Variants in TBC1D5 observed in about 807,000 individuals in gnomAD.
The protein encoded by TBC1D5 is TBC1 domain family member 5.
Under a neutral mutation model 100.3 loss-of-function variants are expected in TBC1D5, and 75 were observed. The observed-to-expected ratio is 0.75, with a 90% CI of 0.62 to 0.91. TBC1D5 has a LOEUF of 0.91. TBC1D5 is among the 40% of genes least tolerant of loss of function. The probability of loss-of-function intolerance (pLI) is 0.00; values close to 1 mark genes in which losing one functional copy is unlikely to be tolerated. For synonymous variants in TBC1D5, 323 were observed against 325.6 expected, an observed-to-expected ratio of 0.99 and a Z score of 0.09; for missense variants, 910 against 942.4, an observed-to-expected ratio of 0.97 and a Z score of 0.45.
At chr3:17,694,857 G>C (rs570308213) in intron 1 of TBC1D5, among the ~76,000 whole-genome samples, 1 of 152,294 alleles carries the variant, frequency 6.6e-6, no homozygotes, top group East Asian at 1.9e-4. Flanking sequence ...GAAAGGTCGA[G>C]TTACCCACAA....
At chr3:17,642,809 G>C (rs1000999637) in intron 1 of TBC1D5, among the ~76,000 whole-genome samples, 1 of 152,036 alleles carries the variant, frequency 6.6e-6, no homozygotes, top group Admixed American at 6.6e-5. Context: ...AAGTAAGAAC[G>C]TACTACATCA....
At chr3:17,576,594 T>G (rs2153521538) in intron 2 of TBC1D5, 1 of 152,154 alleles carries the variant, frequency 6.6e-6, no homozygotes, top group Admixed American at 6.6e-5. Context: ...AAAATCCAGG[T>G]AGTTTTTCAA....
chr3:17,313,782 T>A (rs1575276163), intron 13 of TBC1D5, among the ~76,000 whole-genome samples: 1 of 152,208 alleles, frequency 6.6e-6, no homozygotes, highest in Non-Finnish European at 1.5e-5. Context: ...CCATAAGCAG[T>A]CAATCTCACC....
intron 13 of TBC1D5, among the ~76,000 whole-genome samples, chr3:17,348,771 T>G (rs1044220019): frequency 2.0e-5 from 3 of 152,182 alleles, no homozygotes; most frequent in African/African-American, 7.2e-5. Context: ...AAGATTCACC[T>G]GGATGGCACC....
chr3:17,504,741 G>T (rs190059697), intron 3 of TBC1D5, among the ~76,000 whole-genome samples: 1 of 152,138 alleles, frequency 6.6e-6, no homozygotes, highest in Non-Finnish European at 1.5e-5. Flanking sequence ...AGGGTTTATA[G>T]TACTTCAGAC....
chr3:17,453,536 T>A (rs922336030), intron 3 of TBC1D5, among the ~76,000 whole-genome samples: 13 of 152,124 alleles, frequency 8.5e-5, no homozygotes, highest in Middle Eastern at 3.4e-3. Context: ...TATAAGACAA[T>A]AAATTGGACA....
At chr3:17,451,420 AG>A (rs1216798028) in intron 3 of TBC1D5, among the ~76,000 whole-genome samples, 1 of 152,238 alleles carries the variant, frequency 6.6e-6, no homozygotes, top group Non-Finnish European at 1.5e-5. Context: ...ACTGGTCATT[AG>A]AAAAATGCAA....
chr3:17,353,981 C>CA (rs1424225239), intron 13 of TBC1D5, among the ~76,000 whole-genome samples: 2 of 152,038 alleles, frequency 1.3e-5, no homozygotes, highest in Non-Finnish European at 2.9e-5. Flanking sequence ...CGTTTTCTAT[C>CA]AGACAGTACA....
chr3:17,349,681 A>T (rs1294401228), intron 13 of TBC1D5, among the ~76,000 whole-genome samples: 3 of 152,174 alleles, frequency 2.0e-5, no homozygotes, highest in Non-Finnish European at 4.4e-5. Flanking sequence ...GAGGTTCCCA[A>T]ATGAAAATTA....
intron 3 of TBC1D5, among the ~76,000 whole-genome samples, chr3:17,432,593 T>A (rs1298613730): frequency 6.6e-6 from 1 of 152,216 alleles, no homozygotes; most frequent in East Asian, 1.9e-4. Context: ...ATTTTCTTTA[T>A]TATTGTTAAT....
At chr3:17,160,968 T>C in exon 22 of TBC1D5, 1 of 1,613,074 alleles carries the variant, frequency 6.2e-7, no homozygotes, top group South Asian at 1.1e-5. Flanking sequence ...TGTGGTCAGA[T>C]GTCCAGGGGA....
At chr3:17,316,810 G>T (rs1193057597) in intron 13 of TBC1D5, among the ~76,000 whole-genome samples, 1 of 152,138 alleles carries the variant, frequency 6.6e-6, no homozygotes, top group Non-Finnish European at 1.5e-5. Flanking sequence ...GAGGTTGGGG[G>T]AGATGAACTT....
chr3:17,560,174 A>G (rs2096549415), intron 2 of TBC1D5, among the ~76,000 whole-genome samples: 1 of 152,346 alleles, frequency 6.6e-6, no homozygotes, highest in East Asian at 1.9e-4. Flanking sequence ...AAAATATAGA[A>G]CAAAATGTTT....
chr3:17,404,232 C>T (rs1455483140), intron 7 of TBC1D5, among the ~76,000 whole-genome samples: 1 of 151,972 alleles, frequency 6.6e-6, no homozygotes, highest in Non-Finnish European at 1.5e-5. Context: ...TAATCCTTGT[C>T]TTCACTGGAA....
chr3:17,593,450 G>A (rs924564779), intron 2 of TBC1D5, among the ~76,000 whole-genome samples: 1 of 152,148 alleles, frequency 6.6e-6, no homozygotes, highest in Non-Finnish European at 1.5e-5. Context: ...CTGAGCCCTC[G>A]ATATGGCACC....
intron 1 of TBC1D5, among the ~76,000 whole-genome samples, chr3:17,707,360 T>A (rs2074283475): frequency 6.6e-6 from 1 of 152,154 alleles, no homozygotes; most frequent in Admixed American, 6.5e-5. Flanking sequence ...ATTTTCACAG[T>A]TAAGTGTAAC....
At chr3:17,460,236 T>G (rs1165553775) in intron 3 of TBC1D5, among the ~76,000 whole-genome samples, 1 of 152,164 alleles carries the variant, frequency 6.6e-6, no homozygotes, top group Non-Finnish European at 1.5e-5. Flanking sequence ...AAAAACTACC[T>G]GGGAATTCAC....
intron 2 of TBC1D5, among the ~76,000 whole-genome samples, chr3:17,585,902 T>A (rs2096729709): frequency 6.6e-6 from 1 of 152,186 alleles, no homozygotes. Flanking sequence ...ATGTTATCTA[T>A]CTGATATACC....
intron 2 of TBC1D5, among the ~76,000 whole-genome samples, chr3:17,546,795 A>AG (rs1553837208): frequency 6.6e-6 from 1 of 151,884 alleles, no homozygotes; most frequent in Admixed American, 6.6e-5. Context: ...AAAAAAAAAA[A>AG]AAAGAAAGAA....
Sources: allele counts gnomAD v4.1 joint callset (sites outside exome capture counted in the v4.1 genomes callset), GRCh38; gene constraint gnomAD v4.1.1; transcripts MANE v1.5; gene names NCBI Gene and HGNC (gene_info 2026-07-23, HGNC 2026-07-21).